SLC25A26: variants seen among roughly 807,000 people sequenced by gnomAD.
The protein encoded by SLC25A26 is solute carrier family 25 member 26, also known as mitochondrial S-adenosylmethionine carrier protein.
SLC25A26 carries 36 observed loss-of-function variants against 37.8 expected under a neutral mutation model. The ratio of observed to expected loss-of-function variants is 0.95; its 90% CI spans 0.73 to 1.26. The LOEUF (loss-of-function observed/expected upper bound fraction) is 1.26, where lower values mean the gene tolerates loss of function less well. Ranked by LOEUF, SLC25A26 falls within the 50% of genes most tolerant of loss-of-function variation. The probability of loss-of-function intolerance (pLI) is 0.00; values close to 1 mark genes in which losing one functional copy is unlikely to be tolerated. For missense variants in SLC25A26, 390 were observed against 331.1 expected (o/e 1.18, Z -1.38); for synonymous variants, 129 against 122.5 (o/e 1.05, Z -0.35).
At chr3:66,336,745 G>A (rs555892057) in intron 5 of SLC25A26, among the ~76,000 whole-genome samples, 24 of 152,232 alleles carry the variant, frequency 1.6e-4, no homozygotes, top group African/African-American at 5.5e-4. Context: ...CCTGATTGCC[G>A]AGTGACAACT....
intron 1 of SLC25A26, among the ~76,000 whole-genome samples, chr3:66,187,046 C>T (rs1403239989): frequency 6.6e-6 from 1 of 152,038 alleles, no homozygotes; most frequent in African/African-American, 2.4e-5. Context: ...ACTATTCTCA[C>T]ATCAGCCCTG....
intron 6 of SLC25A26, among the ~76,000 whole-genome samples, chr3:66,351,546 C>A (rs927747690): frequency 6.6e-6 from 1 of 152,012 alleles, no homozygotes; most frequent in Non-Finnish European, 1.5e-5. Flanking sequence ...ATCTTTATAC[C>A]AACTTGCATG....
At chr3:66,150,619 T>G (rs1444658481) in intron 1 of SLC25A26, among the ~76,000 whole-genome samples, 1 of 48,624 alleles carries the variant, frequency 2.1e-5, no homozygotes, top group Non-Finnish European at 4.0e-5. Flanking sequence ...TATATATATA[T>G]ATATATATAT....
At chr3:66,248,132 A>T (rs573033612) in intron 3 of SLC25A26, among the ~76,000 whole-genome samples, 1 of 151,634 alleles carries the variant, frequency 6.6e-6, no homozygotes, top group East Asian at 1.9e-4. Flanking sequence ...ACTATTAAGG[A>T]AACTTAGAAA....
chr3:66,225,488 A>T (rs1361643571), intron 1 of SLC25A26, among the ~76,000 whole-genome samples: 2 of 152,104 alleles, frequency 1.3e-5, no homozygotes, highest in African/African-American at 4.8e-5. Context: ...CAGTCCAGGA[A>T]ATCATTTTTT....
intron 1 of SLC25A26, among the ~76,000 whole-genome samples, chr3:66,177,063 G>A (rs2070600009): frequency 6.6e-6 from 1 of 152,212 alleles, no homozygotes; most frequent in South Asian, 2.1e-4. Flanking sequence ...GTGAGATTAT[G>A]GCTGGAGTCT....
chr3:66,168,153 C>CAAAAA lies in SLC25A26; in HGVS notation c.-354+34173_-354+34177dup, dbSNP rs1238897849. Reference sequence around the variant, plus strand: ...GGGCAACAAGAGCAAAACTCAGTCTCAAAAAAAATATATATATATATATGT... The same window carrying CAAAAA: ...GGGCAACAAGAGCAAAACTCAGTCTCAAAAAAAAAAAAATATATATATATATATGT... On this transcript the variant is annotated intron_variant, in intron 1 of 10. Transcript: ENST00000676754. Among the ~76,000 whole-genome samples, 409 of 53,450 alleles carry CAAAAA rather than the reference C, an allele frequency of 7.7e-3. 2 individuals carry two copies. Among genetic ancestry groups the CAAAAA allele is most frequent in the African/African-American group, 0.024 (382 of 15,724 alleles). 35.1% of individuals were successfully genotyped at this position (53,450 alleles called of 152,430 possible). A position where few individuals can be genotyped will look rare whatever the true frequency, so the allele number is the denominator to read the frequency against.
At chr3:66,363,810 A>G (rs1362144538) in intron 7 of SLC25A26, among the ~76,000 whole-genome samples, 2 of 152,332 alleles carry the variant, frequency 1.3e-5, no homozygotes, top group East Asian at 3.9e-4. Context: ...TGTTCATTTT[A>G]TAGTACTCTT....
chr3:66,204,441 A>AAAAAG (rs2071150575), intron 1 of SLC25A26, among the ~76,000 whole-genome samples: 3 of 89,374 alleles, frequency 3.4e-5, no homozygotes, highest in Non-Finnish European at 3.9e-5. Flanking sequence ...AAAAAAAAAG[A>AAAAAG]AAAAAAGAAA....
intron 5 of SLC25A26, among the ~76,000 whole-genome samples, chr3:66,339,819 T>C (rs1259568884): frequency 6.6e-6 from 1 of 152,112 alleles, no homozygotes; most frequent in Non-Finnish European, 1.5e-5. Flanking sequence ...TGTCTTTTTA[T>C]GCTGTTAATT....
At chr3:66,190,035 G>T (rs1434757261) in intron 1 of SLC25A26, among the ~76,000 whole-genome samples, 3 of 152,142 alleles carry the variant, frequency 2.0e-5, no homozygotes, top group African/African-American at 7.2e-5. Context: ...GTTGAGGCTG[G>T]GTGCAGTGGC....
At chr3:66,315,080 A>ATT (rs58312800) in intron 5 of SLC25A26, among the ~76,000 whole-genome samples, 2,953 of 119,168 alleles carry the variant, frequency 0.025, 125 homozygotes, top group African/African-American at 0.083. Flanking sequence ...GGATTCTTTG[A>ATT]TTTTTTTTTT....
At chr3:66,315,442 C>G (rs566633512) in intron 5 of SLC25A26, among the ~76,000 whole-genome samples, 19 of 152,212 alleles carry the variant, frequency 1.2e-4, no homozygotes, top group African/African-American at 4.6e-4. Context: ...GAGTGGGTTT[C>G]TTCATCTTAA....
At chr3:66,362,768 A>C (rs1484654459) in intron 6 of SLC25A26, 92 bp from the exon 7 acceptor site, 9 of 730,510 alleles carry the variant, frequency 1.2e-5, no homozygotes, top group Admixed American at 3.5e-5. Flanking sequence ...ATAGCTTCTC[A>C]CTTAAGTTCC....
At chr3:66,352,750 C>T (rs1472255494) in intron 6 of SLC25A26, among the ~76,000 whole-genome samples, 2 of 151,712 alleles carry the variant, frequency 1.3e-5, no homozygotes, top group South Asian at 2.1e-4. Flanking sequence ...GCATTCATTC[C>T]AGCTCTTTCC....
At chr3:66,173,838 G>A (rs1576611340) in intron 1 of SLC25A26, among the ~76,000 whole-genome samples, 1 of 152,108 alleles carries the variant, frequency 6.6e-6, no homozygotes, top group Non-Finnish European at 1.5e-5. Flanking sequence ...GGATCACAAG[G>A]TCAGGAATTC....
intron 1 of SLC25A26, among the ~76,000 whole-genome samples, chr3:66,221,711 G>A (rs1011683292): frequency 5.3e-5 from 8 of 151,426 alleles, no homozygotes; most frequent in Non-Finnish European, 1.0e-4. Flanking sequence ...TAATTCCGTA[G>A]CAGAAAACTA....
At chr3:66,141,089 A>G (rs1012510441) in intron 1 of SLC25A26, among the ~76,000 whole-genome samples, 2 of 151,886 alleles carry the variant, frequency 1.3e-5, no homozygotes, top group Non-Finnish European at 2.9e-5. Flanking sequence ...GAGCACGTGT[A>G]AAACAGTGAA....
intron 1 of SLC25A26, 149 bp from the exon 2 acceptor site, chr3:66,236,395 A>G: frequency 4.3e-6 from 2 of 468,288 alleles, no homozygotes; most frequent in Non-Finnish European, 3.6e-6. Flanking sequence ...ATTTAGGCTG[A>G]CGGTCCTTTG....
Sources: gnomAD v4.1 joint callset for allele counts (sites outside exome capture counted in the v4.1 genomes callset) on GRCh38, gnomAD v4.1.1 for gene constraint, MANE v1.5 for transcripts, NCBI Gene and HGNC (gene_info 2026-07-23, HGNC 2026-07-21) for gene names.